Variants in PREX2 observed in about 807,000 individuals in gnomAD.
The protein encoded by PREX2 is phosphatidylinositol 3,4,5-trisphosphate-dependent Rac exchanger 2 protein.
A neutral mutation model predicts 203.2 loss-of-function variants in PREX2; 107 were observed. The observed-to-expected ratio is 0.53, with a 90% confidence interval of 0.45 to 0.62. The LOEUF is 0.62. Ranked by LOEUF, PREX2 falls within the 20% of genes least tolerant of loss-of-function variation. The pLI is 0.00. For synonymous variants in PREX2, 672 were observed against 663.6 expected, an observed-to-expected ratio of 1.01 and a Z score of -0.19; for missense variants, 1,777 against 1,955.9, an observed-to-expected ratio of 0.91 and a Z score of 1.72.
intron 33 of PREX2, among the ~76,000 whole-genome samples, chr8:68,145,234 A>G (rs1811302194): frequency 6.6e-6 from 1 of 152,194 alleles, no homozygotes; most frequent in African/African-American, 2.4e-5. Context: ...TCATTTAAAA[A>G]ATAGTAACAA....
intron 25 of PREX2, among the ~76,000 whole-genome samples, chr8:68,113,619 G>A (rs1397649931): frequency 6.6e-6 from 1 of 152,132 alleles, no homozygotes; most frequent in Non-Finnish European, 1.5e-5. Context: ...ATTTTTCACT[G>A]GTGTCTAAAA....
intron 15 of PREX2, among the ~76,000 whole-genome samples, chr8:68,079,103 T>C (rs576129889): frequency 6.6e-6 from 1 of 152,276 alleles, no homozygotes; most frequent in South Asian, 2.1e-4. Flanking sequence ...GAGGTATTGC[T>C]TGAGCCTAGG....
At chr8:68,091,433 A>G (rs1809870866) in intron 20 of PREX2, among the ~76,000 whole-genome samples, 1 of 152,220 alleles carries the variant, frequency 6.6e-6, no homozygotes, top group South Asian at 2.1e-4. Context: ...AGAACTTTAC[A>G]GGAGAAGCCT....
intron 37 of PREX2, among the ~76,000 whole-genome samples, chr8:68,204,778 G>C (rs190670879): frequency 1.5e-5 from 2 of 137,734 alleles, no homozygotes; most frequent in African/African-American, 5.5e-5. Context: ...TCCGTCTCCC[G>C]GGTTTACACC....
At chr8:68,171,329 A>T (rs1811871373) in intron 35 of PREX2, among the ~76,000 whole-genome samples, 1 of 152,214 alleles carries the variant, frequency 6.6e-6, no homozygotes, top group African/African-American at 2.4e-5. Context: ...TATTTTATTC[A>T]TGTTAACAAG....
At chr8:68,157,525 G>A in intron 35 of PREX2, 89 bp downstream of exon 35, 1 of 562,724 alleles carries the variant, frequency 1.8e-6, no homozygotes. Context: ...TATCATATTA[G>A]ATTATTAATG....
chr8:67,995,936 T>G (rs1806750905), intron 1 of PREX2, among the ~76,000 whole-genome samples: 1 of 152,196 alleles, frequency 6.6e-6, no homozygotes, highest in African/African-American at 2.4e-5. Context: ...AATTTTACAT[T>G]CTCTTCAGCA....
intron 21 of PREX2, among the ~76,000 whole-genome samples, chr8:68,096,138 C>T (rs1009952071): frequency 6.6e-6 from 1 of 152,100 alleles, no homozygotes; most frequent in African/African-American, 2.4e-5. Context: ...CAGGACAAAT[C>T]TCAGGACCTT....
At position 68,112,152 on chromosome 8, in the gene PREX2, G is replaced by C. The variant is rs1334274253; in HGVS notation, c.3146+2529G>C. ...AGATGGAATTAGAGATGAATTTGCT[G>C]TCTAGTAACATGAGGTAAGATGATG... On this transcript the variant is annotated intron_variant, in intron 25 of 39. Coordinates refer to ENST00000288368, the MANE Select transcript of PREX2 (RefSeq NM_024870.4). Among the ~76,000 whole-genome samples, 3 of 152,150 alleles carry C rather than the reference G, an allele frequency of 2.0e-5. No homozygotes were observed. The South Asian group carries it at 6.2e-4, about 32-fold the overall frequency.
At chr8:68,149,103 T>G (rs1340388475) in intron 34 of PREX2, among the ~76,000 whole-genome samples, 1 of 152,226 alleles carries the variant, frequency 6.6e-6, no homozygotes, top group African/African-American at 2.4e-5. Flanking sequence ...TTTGAAATTT[T>G]CCTAGGAAAT....
At position 68,022,107 on chromosome 8, in the gene PREX2, C is replaced by T. The variant is rs953865013; in HGVS notation, c.408C>T (p.Leu136=). Residue 136 remains leucine, a synonymous_variant, in exon 4 of 40, where the codon CTC becomes CTT. Transcript: ENST00000288368. Reference sequence around the variant, plus strand: ...AGGCACAAAAATTACTTCTTGAACTCAACAAAATAAGAACAATCCGGACAT... The same window carrying T: ...AGGCACAAAAATTACTTCTTGAACTTAACAAAATAAGAACAATCCGGACAT... ...HEKAQKLLLE[L]NKIRTIRTFL... The T allele has an allele frequency of 3.6e-5, 56 of 1,561,656 alleles. No individual in the cohort carries two copies. The highest frequency in any genetic ancestry group is 6.7e-5 in the Admixed American group (4 of 59,908).
chr8:68,100,281 A>G, intron 23 of PREX2: 1 of 442,618 alleles, frequency 2.3e-6, no homozygotes, highest in Non-Finnish European at 4.5e-6. Context: ...CATTTGACAT[A>G]TATTTATTAG....
chr8:68,114,319 C>T (rs777433656), intron 25 of PREX2: 6 of 509,086 alleles, frequency 1.2e-5, no homozygotes, highest in South Asian at 7.2e-5. Context: ...ATATCGTCAC[C>T]GTCTTGAAAT....
At chr8:68,121,167 A>G in intron 30 of PREX2, 118 bp downstream of exon 30, 1 of 1,051,596 alleles carries the variant, frequency 9.5e-7, no homozygotes, top group Non-Finnish European at 1.4e-6. Context: ...TTTGTGAAGA[A>G]AATAAAAGTA....
chr8:68,227,368 G>A (rs556737305), intron 39 of PREX2, among the ~76,000 whole-genome samples: 1 of 152,252 alleles, frequency 6.6e-6, no homozygotes, highest in Non-Finnish European at 1.5e-5. Context: ...AGGTGCTGGT[G>A]GTTCTTTCCT....
At chr8:68,037,984 A>C (rs1808082937) in intron 6 of PREX2, among the ~76,000 whole-genome samples, 175 bp from the exon 7 acceptor site, 1 of 152,116 alleles carries the variant, frequency 6.6e-6, no homozygotes, top group Admixed American at 6.5e-5. Context: ...ATCGGGGGAA[A>C]CTGGGGGGTT....
chr8:68,042,413 T>G (rs1808226152), intron 7 of PREX2, among the ~76,000 whole-genome samples: 1 of 152,068 alleles, frequency 6.6e-6, no homozygotes, highest in Non-Finnish European at 1.5e-5. Context: ...TATCATAGCG[T>G]TTTTAGTTTC....
At chr8:68,102,719 C>A in intron 23 of PREX2, 1 of 405,612 alleles carries the variant, frequency 2.5e-6, no homozygotes, top group Non-Finnish European at 4.9e-6. Flanking sequence ...CTTATTTTGA[C>A]TCTGAAAGTT....
At chr8:68,134,378 T>G in intron 32 of PREX2, 102 bp downstream of exon 32, 24 of 921,850 alleles carry the variant, frequency 2.6e-5, no homozygotes, top group South Asian at 4.7e-5. Flanking sequence ...TGGTTATCTC[T>G]ATGAATGTGC....
Sources: gnomAD v4.1 joint callset for allele counts (sites outside exome capture counted in the v4.1 genomes callset) on GRCh38, gnomAD v4.1.1 for gene constraint, MANE v1.5 for transcripts, NCBI Gene and HGNC (gene_info 2026-07-23, HGNC 2026-07-21) for gene names.